The following LRRD1 variants were observed in gnomAD, a reference collection of about 807,000 sequenced individuals.
LRRD1 encodes leucine-rich repeat and death domain-containing protein 1.
A neutral mutation model predicts 69.5 loss-of-function variants in LRRD1; 49 were observed. The ratio of observed to expected loss-of-function variants is 0.70; its 90% CI spans 0.56 to 0.89. LRRD1 has a LOEUF of 0.89. Among genes scored for constraint, LRRD1 ranks in the 40% least tolerant of loss-of-function variants. The pLI is 0.00. For synonymous variants in LRRD1, 303 were observed against 338.9 expected, an observed-to-expected ratio of 0.89 and a Z score of 1.16; for missense variants, 853 against 956.0, an observed-to-expected ratio of 0.89 and a Z score of 1.42.
Position 92,167,905 on chromosome 7 carries a change from AAAAT to A in LRRD1, c.-74-2633_-74-2630del, listed in dbSNP as rs1292284458. 2.0e-4 allele frequency among the ~76,000 whole-genome samples: 26 copies of A among 131,450 alleles called. 1 individual carries two copies. The highest frequency in any genetic ancestry group is 8.1e-4 in the African/African-American group (24 of 29,646). The allele number at this position is 131,450 out of a possible 152,430, so 86.2% of individuals were successfully genotyped here. A position where few individuals can be genotyped will look rare whatever the true frequency, so the allele number is the denominator to read the frequency against. ...AAAAAAAAAAAAAAAAAAAAAAAAA[AAAAT>A]AAGTTATTCTGCTCTAAGATTCTGT... On this transcript the variant is annotated intron_variant, in intron 1 of 5. Coordinates refer to ENST00000458448, the MANE Select transcript of LRRD1 (RefSeq NM_001161528.2).
chr7:92,150,112 CAT>C (rs1018706118), intron 4 of LRRD1, among the ~76,000 whole-genome samples: 2 of 152,210 alleles, frequency 1.3e-5, no homozygotes, highest in African/African-American at 4.8e-5. Flanking sequence ...TCAATATTTT[CAT>C]ATCTCTGCCA....
chr7:92,168,841 C>T (rs549180513), intron 1 of LRRD1, among the ~76,000 whole-genome samples: 6 of 152,260 alleles, frequency 3.9e-5, no homozygotes, highest in African/African-American at 9.6e-5. Flanking sequence ...CCCAAACAGA[C>T]AAAGCAAGGA....
rs1427363992 is a variant in LRRD1 at position 92,169,963 on chromosome 7, G to A, written c.-74-4687C>T. ...TGTGTGCTTGTGGCCCCAGCCACTTGGAAGGCTGAGGTGGGAGAATCACTT... is the reference window on the plus strand; with the variant it reads ...TGTGTGCTTGTGGCCCCAGCCACTTAGAAGGCTGAGGTGGGAGAATCACTT... On this transcript the variant is annotated intron_variant, in intron 1 of 5. Transcript: ENST00000458448. Among the ~76,000 whole-genome samples, 4 of 151,952 alleles carry A rather than the reference G, an allele frequency of 2.6e-5. No individual in the cohort carries two copies. In the East Asian group the frequency reaches 7.7e-4, roughly 29 times the overall value.
chr7:92,156,065 G>A (rs1269668078), intron 3 of LRRD1, among the ~76,000 whole-genome samples: 1 of 152,172 alleles, frequency 6.6e-6, no homozygotes, highest in Non-Finnish European at 1.5e-5. Context: ...GACACATGCA[G>A]GAACAATACT....
intron 1 of LRRD1, among the ~76,000 whole-genome samples, chr7:92,172,163 A>T (rs1416872896): frequency 1.3e-5 from 2 of 152,216 alleles, no homozygotes; most frequent in Non-Finnish European, 2.9e-5. Context: ...ACATCCGTTT[A>T]TGATATCAAC....
At position 92,164,962 on chromosome 7, in the gene LRRD1, G is replaced by C. The variant is rs1014431514; in HGVS notation, c.241C>G (p.Gln81Glu). The change falls in exon 2 of 6, where the codon CAA becomes GAA. Residue 81 changes from glutamine (Q) to glutamate (E), a missense_variant. Gln to Glu is a conservative substitution (Grantham distance 29, BLOSUM62 2). Around this residue, in one of 3 missense-constraint regions of LRRD1, gnomAD observed 99 missense variants for 107.0 expected, o/e 0.92. Transcript: ENST00000458448. ...TCAGAAAATTGAAGATTTTTCTTTT[G>C]TTCTTCATTTCTCTTAGACTTCCTT... ...SGRKSKRNEE[Q>E]KKNLQFSETS... The C allele has an allele frequency of 2.6e-6, 4 of 1,551,248 alleles. No individual in the cohort carries two copies. Among genetic ancestry groups the C allele is most frequent in the African/African-American group, 2.7e-5 (2 of 73,130 alleles).
At chr7:92,158,752 A>T (rs184306286) in intron 3 of LRRD1, among the ~76,000 whole-genome samples, 36 of 152,234 alleles carry the variant, frequency 2.4e-4, no homozygotes, top group Non-Finnish European at 5.0e-4. Flanking sequence ...AAGAAATACT[A>T]AATGACTGGG....
Position 92,150,638 on chromosome 7 carries a change from A to G in LRRD1, c.2174T>C (p.Ile725Thr). The G allele has an allele frequency of 6.4e-7, 1 of 1,551,002 alleles. No individual in the cohort carries two copies. The highest frequency in any genetic ancestry group is 8.7e-7 in the Non-Finnish European group (1 of 1,146,262). The change falls in exon 4 of 6, where the codon ATA (isoleucine) becomes ACA (threonine). Residue 725 changes from isoleucine (I) to threonine (T), a missense_variant. Physicochemically the swap from Ile to Thr is moderately conservative, Grantham distance 89. Coordinates refer to ENST00000458448, the MANE Select transcript of LRRD1 (RefSeq NM_001161528.2). ...AIYNIFSLKE[I>T]NFDDNPLLRP... is the part of the protein sequence containing the mutation. ...CAGCAAAGGGTTGTCATCAAAATTT[A>G]TCTCCTTCAGTGAAAAAATATTGTA...
At chr7:92,153,965 T>C (rs1254448784) in intron 3 of LRRD1, among the ~76,000 whole-genome samples, 1 of 148,602 alleles carries the variant, frequency 6.7e-6, no homozygotes, top group Non-Finnish European at 1.5e-5. Flanking sequence ...GCCTCCCAAG[T>C]AGCTGGGATT....
chr7:92,167,896 A>T (rs1270827122), intron 1 of LRRD1, among the ~76,000 whole-genome samples: 7 of 149,870 alleles, frequency 4.7e-5, no homozygotes, highest in South Asian at 2.1e-4. Flanking sequence ...AAAAAAAAAA[A>T]AAAAAAAAAA....
chr7:92,150,747 T>C, intron 3 of LRRD1, 52 bp from the exon 4 acceptor site: 1 of 1,304,030 alleles, frequency 7.7e-7, no homozygotes, highest in Non-Finnish European at 1.1e-6. Flanking sequence ...AAGAAAACTA[T>C]GGAGACAAAT....
chr7:92,154,844 C>T lies in LRRD1; in HGVS notation c.2117-4149G>A, dbSNP rs538331293. 4.6e-5 allele frequency among the ~76,000 whole-genome samples: 7 copies of T among 152,298 alleles called. No individual in the cohort carries two copies. In the East Asian group the frequency reaches 1.3e-3, roughly 29 times the overall value. On this transcript the variant is annotated intron_variant, in intron 3 of 5. Coordinates refer to ENST00000458448, the MANE Select transcript of LRRD1 (RefSeq NM_001161528.2). Reference sequence around the variant, plus strand: ...ATGGGAGATACCTTCCAAGACCCCCCAGCTGATGCCTACAAACCAAATACA... The same window carrying T: ...ATGGGAGATACCTTCCAAGACCCCCTAGCTGATGCCTACAAACCAAATACA...
At chr7:92,150,409 G>A (rs1820436549) in intron 4 of LRRD1, 125 bp downstream of exon 4, 1 of 761,932 alleles carries the variant, frequency 1.3e-6, no homozygotes, top group Admixed American at 3.3e-5. Flanking sequence ...AGGCTGCAGT[G>A]AGTCGTGATC....
chr7:92,176,390 A>T (rs1403243130), intron 1 of LRRD1, among the ~76,000 whole-genome samples: 2 of 152,180 alleles, frequency 1.3e-5, no homozygotes, highest in Non-Finnish European at 2.9e-5. Context: ...ACTTTCTATA[A>T]AGACAATATT....
chr7:92,158,232 A>G (rs1051253840), intron 3 of LRRD1, among the ~76,000 whole-genome samples: 16 of 152,006 alleles, frequency 1.1e-4, no homozygotes, highest in African/African-American at 3.4e-4. Flanking sequence ...GCTCACCCCT[A>G]TAATCCCAGC....
chr7:92,157,537 C>CTCCTTCCTTCCT (rs34688200), intron 3 of LRRD1, among the ~76,000 whole-genome samples: 1 of 149,322 alleles, frequency 6.7e-6, no homozygotes, highest in African/African-American at 2.5e-5. Flanking sequence ...GGCATTGTTT[C>CTCCTTCCTTCCT]TCCTTCCTTC....
chr7:92,171,307 A>C (rs76141743), intron 1 of LRRD1, among the ~76,000 whole-genome samples: 2,747 of 152,160 alleles, frequency 0.018, 39 homozygotes, highest in Middle Eastern at 0.068. Context: ...AAAAAAGAAG[A>C]CCCAAATAAG....
At chr7:92,151,996 G>A (rs1346990324) in intron 3 of LRRD1, among the ~76,000 whole-genome samples, 1 of 149,312 alleles carries the variant, frequency 6.7e-6, no homozygotes. Context: ...TGAATTTGTA[G>A]TCATTTAGAG....
chr7:92,149,194 A>G (rs1379541254), intron 4 of LRRD1, among the ~76,000 whole-genome samples: 1 of 152,234 alleles, frequency 6.6e-6, no homozygotes, highest in Non-Finnish European at 1.5e-5. Context: ...ATAGCCATGT[A>G]TATGGATGTA....
Sources: allele counts gnomAD v4.1 joint callset (sites outside exome capture counted in the v4.1 genomes callset), GRCh38; gene constraint gnomAD v4.1.1; regional missense constraint gnomAD v4.1.1; transcripts MANE v1.5; gene names NCBI Gene and HGNC (gene_info 2026-07-23, HGNC 2026-07-21).